Variants in MICU3 observed in about 807,000 individuals in gnomAD.
MICU3 encodes the protein mitochondrial calcium uptake 3, also known as calcium uptake protein 3, mitochondrial.
Under a neutral mutation model 66.5 loss-of-function variants are expected in MICU3, and 62 were observed. The ratio of observed to expected loss-of-function variants is 0.93; its 90% CI spans 0.76 to 1.15. MICU3 has a LOEUF of 1.15. MICU3 is among the 50% of genes most tolerant of loss of function. MICU3 has a pLI of 0.00. For synonymous variants in MICU3, 308 were observed against 240.7 expected, an observed-to-expected ratio of 1.28 and a Z score of -2.59; for missense variants, 779 against 664.4, an observed-to-expected ratio of 1.17 and a Z score of -1.90.
chr8:17,123,948 TA>T (rs11366018), downstream of MICU3, among the ~76,000 whole-genome samples: 66,152 of 139,472 alleles, frequency 0.47, 15,420 homozygotes, highest in Admixed American at 0.55. Context: ...CTAAAGTCTT[TA>T]AAAAAAAAAA....
chr8:17,066,337 A>G (rs1292103786), intron 2 of MICU3, among the ~76,000 whole-genome samples: 2 of 151,696 alleles, frequency 1.3e-5, no homozygotes, highest in East Asian at 3.9e-4. Context: ...CGATATTATA[A>G]GACGACGTAA....
intron 12 of MICU3, among the ~76,000 whole-genome samples, chr8:17,116,000 T>C (rs941994078): frequency 2.0e-5 from 3 of 152,308 alleles, no homozygotes; most frequent in African/African-American, 7.2e-5. Flanking sequence ...CCACTGCCTT[T>C]CTCTCCCTTC....
chr8:17,028,640 C>A (rs1310256235), intron 1 of MICU3, among the ~76,000 whole-genome samples: 3 of 152,166 alleles, frequency 2.0e-5, no homozygotes, highest in Non-Finnish European at 4.4e-5. Flanking sequence ...GATGTAAGTG[C>A]ATCATTTCCT....
the MICU3 span, among the ~76,000 whole-genome samples, chr8:17,130,571 T>C: frequency 6.6e-6 from 1 of 152,192 alleles, no homozygotes; most frequent in East Asian, 1.9e-4. Context: ...AATAATGCAT[T>C]GCTGCGTTTA....
At chr8:17,124,591 C>T (rs1585600129), downstream of MICU3, among the ~76,000 whole-genome samples, 3 of 151,956 alleles carry the variant, frequency 2.0e-5, no homozygotes, top group Non-Finnish European at 4.4e-5. Context: ...TTGTATTTAA[C>T]CCTCTCTATC....
intron 1 of MICU3, among the ~76,000 whole-genome samples, chr8:17,028,842 G>C (rs965975492): frequency 6.6e-6 from 1 of 152,028 alleles, no homozygotes; most frequent in Non-Finnish European, 1.5e-5. Flanking sequence ...GGAGCATAGC[G>C]TTTTTCATGA....
chr8:17,093,588 C>G (rs929485399), intron 8 of MICU3, among the ~76,000 whole-genome samples: 2 of 151,876 alleles, frequency 1.3e-5, no homozygotes, highest in Non-Finnish European at 2.9e-5. Context: ...TTACACATTA[C>G]AATAGATTTG....
At chr8:17,038,502 C>G (rs367672675) in intron 1 of MICU3, among the ~76,000 whole-genome samples, 175 of 152,274 alleles carry the variant, frequency 1.1e-3, no homozygotes, top group African/African-American at 3.9e-3. Flanking sequence ...TTATAAATTA[C>G]CCAGTCTCGG....
Position 17,096,103 on chromosome 8 carries a change from C to G in MICU3, c.889-2355C>G, listed in dbSNP as rs138905984. Among the ~76,000 whole-genome samples the G allele has an allele frequency of 2.7e-3, 411 of 152,006 alleles. 2 individuals carry two copies. The highest frequency in any genetic ancestry group is 9.3e-3 in the African/African-American group (388 of 41,508). On this transcript the variant is annotated intron_variant, in intron 8 of 14. Transcript: ENST00000318063. ...ACATCTGGTAAAGGGGCCAGTAGCT[C>G]AGATAGCAAACAAAGATAACCGAGA...
At chr8:17,095,245 A>G (rs1360032410) in intron 8 of MICU3, among the ~76,000 whole-genome samples, 1 of 151,848 alleles carries the variant, frequency 6.6e-6, no homozygotes, top group Non-Finnish European at 1.5e-5. Context: ...TGTCTTTAGC[A>G]GTTTTGTGTT....
At chr8:17,032,637 A>G (rs939164201) in intron 1 of MICU3, among the ~76,000 whole-genome samples, 22 of 152,308 alleles carry the variant, frequency 1.4e-4, no homozygotes, top group Middle Eastern at 6.8e-3. Flanking sequence ...AAGGCAGCAT[A>G]TCTTGAGATG....
intron 3 of MICU3, among the ~76,000 whole-genome samples, chr8:17,073,082 G>C (rs946014049): frequency 6.6e-6 from 1 of 151,152 alleles, no homozygotes; most frequent in African/African-American, 2.4e-5. Context: ...GTAGAGACAG[G>C]GTTTTGCTCT....
intron 8 of MICU3, among the ~76,000 whole-genome samples, chr8:17,097,436 A>G (rs1335468887): frequency 6.6e-6 from 1 of 151,710 alleles, no homozygotes; most frequent in African/African-American, 2.4e-5. Flanking sequence ...ATAATACTTT[A>G]TTTACATTTT....
chr8:17,135,972 GT>G, the MICU3 span, among the ~76,000 whole-genome samples: 1 of 152,058 alleles, frequency 6.6e-6, no homozygotes, highest in Non-Finnish European at 1.5e-5. Context: ...TCTTGGACAA[GT>G]TGACTTCTCT....
chr8:17,110,968 T>C (rs762383207), intron 11 of MICU3, among the ~76,000 whole-genome samples: 30 of 152,350 alleles, frequency 2.0e-4, no homozygotes, highest in Non-Finnish European at 4.1e-4. Context: ...CCATTTTATG[T>C]AAATACCACA....
Position 17,057,442 on chromosome 8 carries a change from A to G in MICU3, c.382-6642A>G, listed in dbSNP as rs530654240. 2.6e-5 allele frequency among the ~76,000 whole-genome samples: 4 copies of G among 152,338 alleles called. No homozygotes were observed. The South Asian group carries it at 6.2e-4, about 24-fold the overall frequency. The stretch of plus-strand genomic sequence containing the variant: ...GAACAGGATTGGTTCCAAAACTTAT[A>G]TGAAAACAATAATTCAAGGTTCAAA... On this transcript the variant is annotated intron_variant, in intron 1 of 14. Transcript: ENST00000318063.
intron 11 of MICU3, among the ~76,000 whole-genome samples, chr8:17,113,003 A>G (rs1165010032): frequency 6.6e-6 from 1 of 152,346 alleles, no homozygotes; most frequent in Non-Finnish European, 1.5e-5. Context: ...TAAATGATCA[A>G]TGTAAGGAAA....
intron 1 of MICU3, among the ~76,000 whole-genome samples, chr8:17,037,097 G>C (rs1252277754): frequency 6.6e-6 from 1 of 152,212 alleles, no homozygotes; most frequent in African/African-American, 2.4e-5. Context: ...AGCAGGGCTG[G>C]CCGGCTGCTC....
chr8:17,092,265 G>A (rs1333629264), intron 8 of MICU3, among the ~76,000 whole-genome samples: 1 of 151,744 alleles, frequency 6.6e-6, no homozygotes, highest in Non-Finnish European at 1.5e-5. Flanking sequence ...AATCTCATAA[G>A]CAGTTTTCAT....
Sources: gnomAD v4.1 joint callset for allele counts (sites outside exome capture counted in the v4.1 genomes callset) on GRCh38, gnomAD v4.1.1 for gene constraint, MANE v1.5 for transcripts, NCBI Gene and HGNC (gene_info 2026-07-23, HGNC 2026-07-21) for gene names.